The following TMPRSS5 variants were observed in gnomAD, a reference collection of about 807,000 sequenced individuals.
The protein encoded by TMPRSS5 is transmembrane protease serine 5.
TMPRSS5 carries 45 observed loss-of-function variants against 59.7 expected under a neutral mutation model. The observed-to-expected ratio is 0.75, with a 90% CI of 0.59 to 0.97. The LOEUF is 0.97. Ranked by LOEUF, TMPRSS5 falls within the 50% of genes least tolerant of loss-of-function variation. TMPRSS5 has a pLI of 0.00. For synonymous variants in TMPRSS5, 225 were observed against 232.0 expected (o/e 0.97, Z 0.27); for missense variants, 585 against 596.7 (o/e 0.98, Z 0.20).
intron 10 of TMPRSS5, 129 bp from the exon 11 acceptor site, chr11:113,690,502 G>T: frequency 7.2e-7 from 1 of 1,382,814 alleles, no homozygotes; most frequent in Non-Finnish European, 9.6e-7. Flanking sequence ...GGTGGGAGCT[G>T]TGGACGCTGA....
chr11:113,705,108 T>C (rs2134834698), intron 1 of TMPRSS5, among the ~76,000 whole-genome samples: 1 of 152,262 alleles, frequency 6.6e-6, no homozygotes, highest in African/African-American at 2.4e-5. Context: ...CCCTGCATCT[T>C]TCCCTGTCAA....
intron 12 of TMPRSS5, 132 bp from the exon 13 acceptor site, chr11:113,688,406 C>G: frequency 3.1e-6 from 2 of 655,594 alleles, no homozygotes; most frequent in Non-Finnish European, 5.4e-6. Flanking sequence ...AAAATATCTG[C>G]TGCTCAAGAT....
At chr11:113,690,426 C>A in intron 10 of TMPRSS5, 53 bp from the exon 11 acceptor site, 2 of 1,568,196 alleles carry the variant, frequency 1.3e-6, no homozygotes, top group South Asian at 1.2e-5. Context: ...CCCAGGCAGG[C>A]AGAGCAGCAA....
Position 113,699,632 on chromosome 11 carries a change from C to T in TMPRSS5, c.168G>A (p.Gly56=). 1 of 1,584,928 alleles carries T rather than the reference C, an allele frequency of 6.3e-7. No individual in the cohort carries two copies. The highest frequency in any genetic ancestry group is 8.6e-7 in the Non-Finnish European group (1 of 1,166,050). ...AGCCAACACCTGCACCGGCCAGCAGCCCCAGGGCTCCCAGCACTGCACAGC... is the reference window on the plus strand; with the variant it reads ...AGCCAACACCTGCACCGGCCAGCAGTCCCAGGGCTCCCAGCACTGCACAGC... ...RRGCAVLGAL[G]LLAGAGVGSW... Residue 56 remains glycine, a synonymous_variant, in exon 3 of 13, where the codon GGG becomes GGA. Coordinates refer to ENST00000299882, the MANE Select transcript of TMPRSS5 (RefSeq NM_030770.4).
At chr11:113,700,225 G>T in intron 1 of TMPRSS5, 57 bp from the exon 2 acceptor site, 1 of 1,413,830 alleles carries the variant, frequency 7.1e-7, no homozygotes, top group Non-Finnish European at 9.4e-7. Context: ...GCTGAGAGAA[G>T]TCACAGCCCA....
At position 113,690,380 on chromosome 11, in the gene TMPRSS5, G is replaced by C; in HGVS notation, c.1064-7C>G. 6.3e-7 allele frequency: 1 copy of C among 1,599,384 alleles called. No individual in the cohort carries two copies. Among genetic ancestry groups the C allele is most frequent in the Admixed American group, 1.8e-5 (1 of 55,912 alleles). On this transcript the variant is annotated splice_polypyrimidine_tract_variant and splice_region_variant and intron_variant, in intron 10 of 12. Transcript: ENST00000299882. ...AGCATATCCGAGCTGTAAGCTATGA[G>C]AGACACCGAGAAAAACTGCAGGGCA...
intron 1 of TMPRSS5, among the ~76,000 whole-genome samples, chr11:113,700,903 C>A (rs1333690247): frequency 6.6e-6 from 1 of 152,156 alleles, no homozygotes; most frequent in Non-Finnish European, 1.5e-5. Flanking sequence ...GGCTGGTTCC[C>A]AAATGTTGTT....
intron 12 of TMPRSS5, 105 bp downstream of exon 12, chr11:113,689,660 C>G: frequency 7.8e-7 from 1 of 1,283,512 alleles, no homozygotes; most frequent in Non-Finnish European, 1.1e-6. Context: ...GTCCTAGCAC[C>G]CTCCCCAGTC....
Position 113,699,709 on chromosome 11 carries a change from GA to G in TMPRSS5, c.107-17del. 9 of 1,556,838 alleles carry G rather than the reference GA, an allele frequency of 5.8e-6. No homozygotes were observed. Among genetic ancestry groups the G allele is most frequent in the Non-Finnish European group, 7.0e-6 (8 of 1,149,898 alleles). ...GCCTGAGAAACTGTGGGAAAGGGCA[GA>G]GGGGTATCTGGGTCCCCTGCTCCTG... is the stretch of plus-strand genomic sequence containing the variant. On this transcript the variant is annotated splice_polypyrimidine_tract_variant and intron_variant, in intron 2 of 12. Transcript: ENST00000299882.
chr11:113,698,805 G>T, intron 4 of TMPRSS5, 100 bp downstream of exon 4: 2 of 1,357,336 alleles, frequency 1.5e-6, no homozygotes, highest in Non-Finnish European at 2.0e-6. Flanking sequence ...ACATATGGTT[G>T]GCAGTGAACA....
At chr11:113,695,744 A>T (rs1345053725) in intron 6 of TMPRSS5, among the ~76,000 whole-genome samples, 1 of 152,190 alleles carries the variant, frequency 6.6e-6, no homozygotes, top group Non-Finnish European at 1.5e-5. Context: ...CAGATGAGAA[A>T]GCCACACTGT....
At position 113,694,461 on chromosome 11, in the gene TMPRSS5, C is replaced by A; in HGVS notation, c.785+17G>T. 1 of 1,555,364 alleles carries A rather than the reference C, an allele frequency of 6.4e-7. No individual in the cohort carries two copies. Among genetic ancestry groups the A allele is most frequent in the Non-Finnish European group, 8.7e-7 (1 of 1,148,896 alleles). ...GGCAACTGAGGCTCTCTGTCCTCAG[C>A]AGCCACAGAGACTTGCCTGTGCATA... On this transcript the variant is annotated intron_variant, in intron 8 of 12. Coordinates refer to ENST00000299882, the MANE Select transcript of TMPRSS5 (RefSeq NM_030770.4).
chr11:113,699,978 C>G (rs1288154185), intron 2 of TMPRSS5, 88 bp downstream of exon 2: 1 of 1,546,894 alleles, frequency 6.5e-7, no homozygotes, highest in Non-Finnish European at 8.7e-7. Flanking sequence ...TCATGTGGGG[C>G]TGACCCCAAG....
At position 113,698,907 on chromosome 11, in the gene TMPRSS5, G is replaced by C. The variant is rs777382548; in HGVS notation, c.326C>G (p.Thr109Arg). ...GTAGCCTTAGGGGTGCAGCCCACCT[G>C]TTTTGGGAAGTGCAGGGAGCAGAGC... The part of the protein sequence containing the change: ...EEALLPALPK[T>R]VSFRINSEDF... The change falls in exon 4 of 13, where the codon ACA becomes AGA. Residue 109 changes from threonine (T) to arginine (R), a missense_variant and splice_region_variant. Transcript: ENST00000299882. 50 of 1,586,034 alleles carry C rather than the reference G, an allele frequency of 3.2e-5. No individual in the cohort carries two copies. Among genetic ancestry groups the C allele is most frequent in the Non-Finnish European group, 4.1e-5 (48 of 1,166,272 alleles).
chr11:113,702,369 G>A (rs568606650), intron 1 of TMPRSS5, among the ~76,000 whole-genome samples: 1 of 152,280 alleles, frequency 6.6e-6, no homozygotes, highest in African/African-American at 2.4e-5. Context: ...GAGATCTGTG[G>A]CTCTTTGGAC....
chr11:113,695,909 C>A (rs1952914333), intron 6 of TMPRSS5, among the ~76,000 whole-genome samples: 1 of 152,108 alleles, frequency 6.6e-6, no homozygotes, highest in Non-Finnish European at 1.5e-5. Flanking sequence ...TATTCATATT[C>A]TTGCTCTCCT....
chr11:113,699,895 C>T, intron 2 of TMPRSS5, 171 bp downstream of exon 2: 3 of 1,495,422 alleles, frequency 2.0e-6, no homozygotes, highest in South Asian at 1.3e-5. Context: ...AAATCCCACT[C>T]AATCCCTAAA....
At chr11:113,695,582 A>T in intron 6 of TMPRSS5, 139 bp from the exon 7 acceptor site, 1 of 817,964 alleles carries the variant, frequency 1.2e-6, no homozygotes, top group Non-Finnish European at 2.1e-6. Context: ...AGCCTGAAGA[A>T]TACCACCATT....
intron 12 of TMPRSS5, among the ~76,000 whole-genome samples, chr11:113,689,458 T>G (rs1952698922): frequency 6.6e-6 from 1 of 152,178 alleles, no homozygotes; most frequent in South Asian, 2.1e-4. Flanking sequence ...AGCATATAAG[T>G]AGCCATCATG....
Sources: gnomAD v4.1 joint callset for allele counts (sites outside exome capture counted in the v4.1 genomes callset) on GRCh38, gnomAD v4.1.1 for gene constraint, MANE v1.5 for transcripts, NCBI Gene and HGNC (gene_info 2026-07-23, HGNC 2026-07-21) for gene names.